MAP2K5: variants seen among roughly 807,000 people sequenced by gnomAD.
MAP2K5 encodes the protein mitogen-activated protein kinase kinase 5.
In MAP2K5, 49 loss-of-function variants were observed where a neutral mutation model predicts 83.1. The observed-to-expected ratio is 0.59, with a 90% CI of 0.47 to 0.75. MAP2K5 has a LOEUF of 0.75. Among genes scored for constraint, MAP2K5 ranks in the 30% least tolerant of loss-of-function variants. The pLI, the probability that MAP2K5 is intolerant of heterozygous loss-of-function variation, is 0.00. For missense variants in MAP2K5, 457 were observed against 557.5 expected (o/e 0.82, Z 1.82); for synonymous variants, 202 against 191.8 (o/e 1.05, Z -0.44).
rs2089666372 is a variant in MAP2K5, at chr15:67,749,060, G to A, written c.1134+459G>A. 2.0e-5 allele frequency among the ~76,000 whole-genome samples: 3 copies of A among 152,196 alleles called. No homozygotes were observed. The South Asian group carries it at 6.2e-4, about 32-fold the overall frequency. On this transcript the variant is annotated intron_variant, in intron 19 of 21. Transcript: ENST00000178640. This position sits in a 1 kb window ranked among gnomAD's most constrained non-coding sequence, Gnocchi z 4.6. ...GTGATAAAAGGGCTCAAAAACTCTA[G>A]GTCAACAGTTCAGCGTTAATTTCCT...
At chr15:67,696,967 G>C (rs1258126470) in intron 15 of MAP2K5, among the ~76,000 whole-genome samples, 1 of 152,136 alleles carries the variant, frequency 6.6e-6, no homozygotes, top group African/African-American at 2.4e-5. Context: ...CAACAAGAGT[G>C]AAACTCAGTC....
chr15:67,655,504 G>A (rs1375302615), intron 11 of MAP2K5, among the ~76,000 whole-genome samples: 1 of 132,082 alleles, frequency 7.6e-6, no homozygotes, highest in Non-Finnish European at 1.6e-5. Flanking sequence ...AGAATTTTTG[G>A]TTTATAATCT....
At chr15:67,732,323 A>T (rs910936127) in intron 17 of MAP2K5, among the ~76,000 whole-genome samples, 1 of 152,192 alleles carries the variant, frequency 6.6e-6, no homozygotes, top group Non-Finnish European at 1.5e-5. Flanking sequence ...CTTCATTCAA[A>T]CTTTACAACA....
At chr15:67,591,530 C>G (rs952253431) in intron 6 of MAP2K5, among the ~76,000 whole-genome samples, 1 of 151,008 alleles carries the variant, frequency 6.6e-6, no homozygotes, top group Non-Finnish European at 1.5e-5. Context: ...CCACCACACC[C>G]GGCTAATTTT....
rs2583573 is a variant in MAP2K5 at position 67,559,590 on chromosome 15, G to T, written c.185-3693G>T. Among the ~76,000 whole-genome samples the T allele has an allele frequency of 1, 152,034 of 152,362 alleles. 75,854 individuals carry two copies. Among genetic ancestry groups the T allele is most frequent in the Non-Finnish European group, 1 (68,050 of 68,050 alleles). On this transcript the variant is annotated intron_variant, in intron 2 of 21. Transcript: ENST00000178640. This position sits in a 1 kb window ranked among gnomAD's most constrained non-coding sequence, Gnocchi z 4.7. The stretch of plus-strand genomic sequence containing the variant: ...TTTGTGAAGATTGCTTCATAATATT[G>T]GTTTACCATCTGCTGCACTCTATTT...
At chr15:67,683,872 G>A (rs1248921513) in intron 13 of MAP2K5, among the ~76,000 whole-genome samples, 1 of 152,218 alleles carries the variant, frequency 6.6e-6, no homozygotes, top group Non-Finnish European at 1.5e-5. Context: ...ACAAAATAGT[G>A]AAACAGTTAT....
At chr15:67,715,641 A>G (rs1172227652) in intron 16 of MAP2K5, among the ~76,000 whole-genome samples, 2 of 152,226 alleles carry the variant, frequency 1.3e-5, no homozygotes, top group Non-Finnish European at 2.9e-5. Flanking sequence ...CAGAATTTGA[A>G]ATTTAAAAAA....
rs377747618 is a variant in MAP2K5, at chr15:67,704,468, CT to C, written c.1044+1069del. On this transcript the variant is annotated intron_variant, in intron 16 of 21. Coordinates refer to ENST00000178640, the MANE Select transcript of MAP2K5 (RefSeq NM_145160.3). ...AGAGTTGCAATCATGATTTTGTAAC[CT>C]TTTTTTTTAGTCAAATACTTTTTCT... 3.0e-4 allele frequency among the ~76,000 whole-genome samples: 46 copies of C among 151,214 alleles called. 1 individual carries two copies. Among genetic ancestry groups the C allele is most frequent in the Admixed American group, 2.1e-3 (32 of 15,162 alleles).
At chr15:67,612,442 A>C (rs2085947132) in intron 8 of MAP2K5, among the ~76,000 whole-genome samples, 1 of 152,188 alleles carries the variant, frequency 6.6e-6, no homozygotes, top group African/African-American at 2.4e-5. Flanking sequence ...TTTAAAGTCC[A>C]AATACTTTCC....
At chr15:67,806,325 A>C (rs918777195) in intron 21 of MAP2K5, among the ~76,000 whole-genome samples, 1 of 152,216 alleles carries the variant, frequency 6.6e-6, no homozygotes, top group Admixed American at 6.5e-5. Flanking sequence ...CGGGCAGAGG[A>C]AGGGCCAGGC....
At chr15:67,571,985 G>A (rs1357308942) in intron 3 of MAP2K5, among the ~76,000 whole-genome samples, 1 of 152,140 alleles carries the variant, frequency 6.6e-6, no homozygotes, top group Non-Finnish European at 1.5e-5. Flanking sequence ...GTTCAGTGTG[G>A]GAAGACAAGA....
chr15:67,645,121 G>A (rs945968609), intron 9 of MAP2K5, among the ~76,000 whole-genome samples: 6 of 152,078 alleles, frequency 3.9e-5, no homozygotes, highest in African/African-American at 1.2e-4. Flanking sequence ...GCAGTAAGCC[G>A]AGATCATGCC....
chr15:67,576,968 G>C (rs527593816), intron 3 of MAP2K5, among the ~76,000 whole-genome samples: 19 of 134,642 alleles, frequency 1.4e-4, no homozygotes, highest in African/African-American at 5.1e-4. Flanking sequence ...TCGCTCTGTC[G>C]CCCAGGCCGG....
chr15:67,567,347 T>A (rs1357395681), intron 3 of MAP2K5, among the ~76,000 whole-genome samples: 1 of 150,580 alleles, frequency 6.6e-6, no homozygotes, highest in Admixed American at 6.6e-5. Context: ...TTTTAATTCC[T>A]CCATAAAGTT....
Position 67,764,835 on chromosome 15 carries a change from A to G in MAP2K5, c.1135-4767A>G, listed in dbSNP as rs1201838718. Among the ~76,000 whole-genome samples, 1 of 152,176 alleles carries G rather than the reference A, an allele frequency of 6.6e-6. No individual in the cohort carries two copies. Among genetic ancestry groups the G allele is most frequent in the Non-Finnish European group, 1.5e-5 (1 of 68,034 alleles). The stretch of plus-strand genomic sequence containing the variant: ...TATTTTTTTAAGCAAAAGGCCCTTA[A>G]CTTTTTTCCAGTTGAGTATTTATGC... On this transcript the variant is annotated intron_variant, in intron 19 of 21. Coordinates refer to ENST00000178640, the MANE Select transcript of MAP2K5 (RefSeq NM_145160.3). This position sits in a 1 kb window ranked among gnomAD's most constrained non-coding sequence, Gnocchi z 4.9.
intron 13 of MAP2K5, among the ~76,000 whole-genome samples, chr15:67,687,732 C>T (rs578001569): frequency 1.3e-5 from 2 of 152,200 alleles, no homozygotes; most frequent in Admixed American, 6.5e-5. Context: ...TCTTCTGGAT[C>T]GGCATGTTAG....
intron 13 of MAP2K5, among the ~76,000 whole-genome samples, chr15:67,683,439 A>C (rs148344884): frequency 6.6e-6 from 1 of 152,312 alleles, no homozygotes; most frequent in East Asian, 1.9e-4. Context: ...AGGTCAATAC[A>C]ATGAACAAAA....
chr15:67,600,931 C>A (rs1230907221), intron 8 of MAP2K5, among the ~76,000 whole-genome samples, 182 bp downstream of exon 8: 1 of 152,056 alleles, frequency 6.6e-6, no homozygotes, highest in Non-Finnish European at 1.5e-5. Context: ...TTTATATTGC[C>A]TTTTTAATAT....
chr15:67,647,614 G>T (rs145293604), intron 11 of MAP2K5, among the ~76,000 whole-genome samples: 1 of 151,748 alleles, frequency 6.6e-6, no homozygotes, highest in Non-Finnish European at 1.5e-5. Context: ...GGCCGGGCAC[G>T]GTGGCTTACT....
Sources: allele counts gnomAD v4.1 joint callset (sites outside exome capture counted in the v4.1 genomes callset), GRCh38; gene constraint gnomAD v4.1.1; non-coding constraint Gnocchi (gnomAD v3.1); transcripts MANE v1.5; gene names NCBI Gene and HGNC (gene_info 2026-07-23, HGNC 2026-07-21).